The following SIPA1L1 variants were observed in gnomAD, a reference collection of about 807,000 sequenced individuals.
SIPA1L1 encodes the protein signal-induced proliferation-associated 1-like protein 1.
In SIPA1L1, 26 loss-of-function variants were observed where a neutral mutation model predicts 162.7. That is an observed-to-expected ratio of 0.16 (90% CI 0.12 to 0.22). SIPA1L1 has a LOEUF of 0.22. Ranked by LOEUF, SIPA1L1 falls within the 10% of genes least tolerant of loss-of-function variation. SIPA1L1 has a pLI of 1.00. For missense variants in SIPA1L1, 1,874 were observed against 2,241.0 expected (o/e 0.84, Z 3.31); for synonymous variants, 829 against 837.4 (o/e 0.99, Z 0.17).
chr14:71,442,047 C>T (rs774958333), intron 2 of SIPA1L1, among the ~76,000 whole-genome samples: 1 of 151,676 alleles, frequency 6.6e-6, no homozygotes, highest in African/African-American at 2.4e-5. Flanking sequence ...GTGGTGCATA[C>T]CTGTAGTCCC....
intron 4 of SIPA1L1, among the ~76,000 whole-genome samples, chr14:71,530,593 G>A (rs541961713): frequency 6.6e-6 from 1 of 152,176 alleles, no homozygotes; most frequent in African/African-American, 2.4e-5. Context: ...CCTTACCCCA[G>A]CTCCTTTTTG....
chr14:71,504,544 T>C (rs753315852), intron 2 of SIPA1L1, among the ~76,000 whole-genome samples: 17 of 152,162 alleles, frequency 1.1e-4, no homozygotes, highest in Non-Finnish European at 2.2e-4. Context: ...AAATAAAAGA[T>C]ACCTTCTATT....
intron 19 of SIPA1L1, among the ~76,000 whole-genome samples, chr14:71,726,246 A>G (rs2084236440): frequency 6.6e-6 from 1 of 152,224 alleles, no homozygotes; most frequent in African/African-American, 2.4e-5. Flanking sequence ...CCAGCACTTA[A>G]CAGTTCTGAC....
intron 4 of SIPA1L1, among the ~76,000 whole-genome samples, chr14:71,554,290 T>TCC: frequency 6.6e-6 from 1 of 152,316 alleles, no homozygotes; most frequent in Middle Eastern, 3.4e-3. Context: ...TTAAACAGTA[T>TCC]TACTGCTTTC....
intron 2 of SIPA1L1, among the ~76,000 whole-genome samples, chr14:71,478,336 C>G (rs1555433443): frequency 6.6e-6 from 1 of 151,774 alleles, no homozygotes; most frequent in South Asian, 2.1e-4. Flanking sequence ...TTTTCATTTG[C>G]TTAATAGTGT....
chr14:71,517,630 A>G (rs1458496252), intron 3 of SIPA1L1, among the ~76,000 whole-genome samples: 1 of 152,204 alleles, frequency 6.6e-6, no homozygotes, highest in African/African-American at 2.4e-5. Flanking sequence ...GTACCAATGT[A>G]CATTCCCACC....
At chr14:71,733,964 A>G (rs2085046620) in intron 21 of SIPA1L1, 152 bp downstream of exon 21, 9 of 766,784 alleles carry the variant, frequency 1.2e-5, no homozygotes, top group Non-Finnish European at 1.4e-5. Context: ...CCAGACCCTA[A>G]GCTGGACACC....
At chr14:71,547,092 C>T (rs1457090087) in intron 4 of SIPA1L1, among the ~76,000 whole-genome samples, 2 of 151,640 alleles carry the variant, frequency 1.3e-5, no homozygotes, top group Non-Finnish European at 2.9e-5. Context: ...TAAAGAGCTC[C>T]CCTAATAGCT....
At chr14:71,431,048 G>T (rs771622163) in intron 2 of SIPA1L1, among the ~76,000 whole-genome samples, 1 of 152,066 alleles carries the variant, frequency 6.6e-6, no homozygotes, top group Admixed American at 6.6e-5. Context: ...TGTTAGCAGC[G>T]CAGTGTTATT....
chr14:71,469,831 T>C (rs1457045975), intron 2 of SIPA1L1, among the ~76,000 whole-genome samples: 1 of 152,190 alleles, frequency 6.6e-6, no homozygotes, highest in African/African-American at 2.4e-5. Flanking sequence ...AAAACAAACA[T>C]GAGGCAGAAC....
chr14:71,602,287 TC>T (rs1216049573), intron 5 of SIPA1L1, among the ~76,000 whole-genome samples: 4 of 152,314 alleles, frequency 2.6e-5, no homozygotes, highest in Middle Eastern at 3.4e-3. Flanking sequence ...AGAAATTTCT[TC>T]ATTTTCTTTT....
At position 71,730,118 on chromosome 14, in the gene SIPA1L1, C is replaced by A. The variant is rs1171827269; in HGVS notation, c.4678C>A (p.His1560Asn). The A allele has an allele frequency of 1.2e-6, 2 of 1,614,050 alleles. No individual in the cohort carries two copies. The highest frequency in any genetic ancestry group is 4.5e-5 in the East Asian group (2 of 44,898). ...PSTPTSRRAL[H>N]RTLSDESIYN... ...CACCCCCACCTCACGGCGGGCCTTG[C>A]ACAGAACACTGTCGGACGAGAGCAT... Residue 1560 changes from histidine to asparagine, a missense_variant, in exon 20 of 24, where the codon CAC (histidine) becomes AAC (asparagine). Physicochemically the swap from His to Asn is moderately conservative, Grantham distance 68. Coordinates refer to ENST00000381232, the MANE Select transcript of SIPA1L1 (RefSeq NM_001386936.1).
intron 13 of SIPA1L1, among the ~76,000 whole-genome samples, chr14:71,689,857 C>T (rs552709157): frequency 4.9e-4 from 74 of 152,282 alleles, no homozygotes; most frequent in African/African-American, 1.8e-3. Context: ...TCCTTCCTTA[C>T]AGACACCAGC....
intron 2 of SIPA1L1, among the ~76,000 whole-genome samples, chr14:71,359,656 G>A (rs147480979): frequency 1.3e-5 from 2 of 152,114 alleles, no homozygotes. Flanking sequence ...AGTCCTACTG[G>A]TTGTTTTTTT....
intron 4 of SIPA1L1, among the ~76,000 whole-genome samples, chr14:71,559,319 C>T (rs2056602169): frequency 6.6e-6 from 1 of 152,158 alleles, no homozygotes; most frequent in African/African-American, 2.4e-5. Context: ...CTGCCCGCCT[C>T]GGCCTCCCAA....
intron 7 of SIPA1L1, among the ~76,000 whole-genome samples, chr14:71,638,140 A>C (rs2148867841): frequency 6.6e-6 from 1 of 152,352 alleles, no homozygotes; most frequent in African/African-American, 2.4e-5. Flanking sequence ...TTAAAGAATT[A>C]TCACCAGTTC....
In SIPA1L1 at chr14:71,738,217, T is replaced by C. The variant is rs759278662; in HGVS notation, c.5124-24T>C. ...CCAGCCATGGAGGCCCCTGCCAACA[T>C]GGTCTTTTGTTTCTTGTTCCCAGCA... On this transcript the variant is annotated intron_variant, in intron 22 of 23. Transcript: ENST00000381232. 4 of 1,277,780 alleles carry C rather than the reference T, an allele frequency of 3.1e-6. No individual in the cohort carries two copies. In the East Asian group the frequency reaches 7.5e-5, roughly 24 times the overall value. The allele number at this position is 1,277,780 out of a possible 1,614,324, so 79.2% of individuals were successfully genotyped here.
chr14:71,324,077 TG>T (rs2033494496), intron 2 of SIPA1L1, among the ~76,000 whole-genome samples: 1 of 152,240 alleles, frequency 6.6e-6, no homozygotes, highest in Admixed American at 6.5e-5. Context: ...ACTTTACTGT[TG>T]TTTCCTGCGG....
intron 5 of SIPA1L1, among the ~76,000 whole-genome samples, chr14:71,603,999 A>AT (rs2037168783): frequency 1.4e-5 from 2 of 144,714 alleles, no homozygotes; most frequent in African/African-American, 5.1e-5. Flanking sequence ...ATATATATAT[A>AT]AATTTTTTTT....
Sources: gnomAD v4.1 joint callset for allele counts (sites outside exome capture counted in the v4.1 genomes callset) on GRCh38, gnomAD v4.1.1 for gene constraint, MANE v1.5 for transcripts, NCBI Gene and HGNC (gene_info 2026-07-23, HGNC 2026-07-21) for gene names.